Variants in CCSER1 observed in about 807,000 individuals in gnomAD.
CCSER1 encodes coiled-coil serine rich protein 1.
Under a neutral mutation model 82.0 loss-of-function variants are expected in CCSER1, and 41 were observed. The observed-to-expected ratio is 0.50, with a 90% CI of 0.39 to 0.65. CCSER1 has a LOEUF of 0.65. Ranked by LOEUF, CCSER1 falls within the 30% of genes least tolerant of loss-of-function variation. The probability of loss-of-function intolerance (pLI) is 0.00; values close to 1 mark genes in which losing one functional copy is unlikely to be tolerated. For synonymous variants in CCSER1, 414 were observed against 383.9 expected (o/e 1.08, Z -0.92); for missense variants, 1,119 against 1,064.2 (o/e 1.05, Z -0.72).
intron 10 of CCSER1, among the ~76,000 whole-genome samples, chr4:91,404,863 T>C (rs1459965007): frequency 6.6e-6 from 1 of 152,212 alleles, no homozygotes; most frequent in Non-Finnish European, 1.5e-5. Flanking sequence ...GAGAAGAATG[T>C]ATATTCTGTT....
At chr4:90,606,341 T>G (rs2148791361) in intron 5 of CCSER1, among the ~76,000 whole-genome samples, 1 of 152,316 alleles carries the variant, frequency 6.6e-6, no homozygotes, top group Middle Eastern at 3.4e-3. Context: ...ACACCTACAT[T>G]ATAACGCAGT....
intron 5 of CCSER1, among the ~76,000 whole-genome samples, chr4:90,504,309 T>A (rs1382585168): frequency 6.6e-6 from 1 of 152,192 alleles, no homozygotes; most frequent in Admixed American, 6.5e-5. Flanking sequence ...TGGCACTCTG[T>A]AGACACAATA....
At chr4:91,593,948 G>T (rs1764395817) in intron 10 of CCSER1, among the ~76,000 whole-genome samples, 2 of 152,098 alleles carry the variant, frequency 1.3e-5, no homozygotes, top group Non-Finnish European at 2.9e-5. Flanking sequence ...CTATTGTAAA[G>T]AAATGAGAGG....
intron 10 of CCSER1, among the ~76,000 whole-genome samples, chr4:91,254,040 G>T (rs1740480910): frequency 6.6e-6 from 1 of 151,992 alleles, no homozygotes; most frequent in Non-Finnish European, 1.5e-5. Context: ...ATTTGGTCAG[G>T]GACACAGATT....
At chr4:91,099,758 G>GA (rs746785945) in intron 10 of CCSER1, among the ~76,000 whole-genome samples, 3 of 152,196 alleles carry the variant, frequency 2.0e-5, no homozygotes, top group Non-Finnish European at 2.9e-5. Context: ...TGGGATGACA[G>GA]AAAGGAAGTG....
At chr4:91,132,358 T>C (rs910354042) in intron 10 of CCSER1, among the ~76,000 whole-genome samples, 1 of 152,116 alleles carries the variant, frequency 6.6e-6, no homozygotes, top group Non-Finnish European at 1.5e-5. Flanking sequence ...ACAGAGGGCA[T>C]TAACGTAAAC....
intron 9 of CCSER1, among the ~76,000 whole-genome samples, chr4:91,033,467 A>C (rs186683686): frequency 8.5e-4 from 130 of 152,282 alleles, no homozygotes; most frequent in Admixed American, 4.3e-3. Context: ...ACCAGCCTGA[A>C]GTCAGTGTAT....
intron 10 of CCSER1, among the ~76,000 whole-genome samples, chr4:91,167,431 G>A (rs182626658): frequency 1.9e-3 from 287 of 151,976 alleles, no homozygotes; most frequent in South Asian, 3.3e-3. Flanking sequence ...TGATCCACCC[G>A]TCTCAGCCTC....
intron 10 of CCSER1, among the ~76,000 whole-genome samples, chr4:91,255,920 T>A (rs1740644121): frequency 6.6e-6 from 1 of 152,268 alleles, no homozygotes; most frequent in South Asian, 2.1e-4. Context: ...CATGTGTGTT[T>A]GAACAATATG....
rs1289115244 is a variant in CCSER1 at position 90,486,243 on chromosome 4, T to A, written c.1724+17889T>A. On this transcript the variant is annotated intron_variant, in intron 5 of 10. Transcript: ENST00000509176. ...GTTGCATCTTTTCCCAATATTCTCT[T>A]TTGCTTAAATTCTTGATCTATCTGG... Among the ~76,000 whole-genome samples, 7 of 152,352 alleles carry A rather than the reference T, an allele frequency of 4.6e-5. No individual in the cohort carries two copies. In the Middle Eastern group the frequency reaches 0.014, roughly 296 times the overall value.
At chr4:90,554,784 A>T (rs1041064615) in intron 5 of CCSER1, among the ~76,000 whole-genome samples, 1 of 152,218 alleles carries the variant, frequency 6.6e-6, no homozygotes, top group Non-Finnish European at 1.5e-5. Flanking sequence ...ACTTCTCATC[A>T]TACCTCGTTT....
intron 10 of CCSER1, among the ~76,000 whole-genome samples, chr4:91,584,962 C>G (rs1763916438): frequency 6.6e-6 from 1 of 151,402 alleles, no homozygotes. Flanking sequence ...TTACCTTGAA[C>G]TGATTAATTC....
intron 10 of CCSER1, among the ~76,000 whole-genome samples, chr4:91,202,387 A>G (rs1232149054): frequency 6.6e-6 from 1 of 151,482 alleles, no homozygotes; most frequent in African/African-American, 2.4e-5. Context: ...AATCATGGCC[A>G]CTCCTTGCTG....
intron 10 of CCSER1, among the ~76,000 whole-genome samples, chr4:91,206,396 C>T (rs1486380628): frequency 1.3e-5 from 2 of 151,836 alleles, no homozygotes; most frequent in African/African-American, 2.4e-5. Context: ...CGCTGAAAAG[C>T]GAGGAAAATG....
intron 1 of CCSER1, among the ~76,000 whole-genome samples, chr4:90,133,997 A>G (rs6856093): frequency 0.027 from 4,142 of 152,170 alleles, 195 homozygotes; most frequent in African/African-American, 0.093. Context: ...ATTTTTGCAA[A>G]CATAGGTATT....
chr4:90,209,727 A>G (rs9884304), intron 1 of CCSER1, among the ~76,000 whole-genome samples: 2,410 of 145,824 alleles, frequency 0.017, 35 homozygotes, highest in African/African-American at 0.043. Context: ...TCCAAACTAA[A>G]TTTCTCTGAG....
Position 90,960,201 on chromosome 4 carries a change from G to A in CCSER1, c.2172+36754G>A, listed in dbSNP as rs930780455. Among the ~76,000 whole-genome samples the A allele has an allele frequency of 3.3e-5, 5 of 151,930 alleles. No individual in the cohort carries two copies. The South Asian group carries it at 6.2e-4, about 19-fold the overall frequency. On this transcript the variant is annotated intron_variant, in intron 9 of 10. Coordinates refer to ENST00000509176, the MANE Select transcript of CCSER1 (RefSeq NM_001145065.2). ...ATTTTTTTTAAAAAAAGGATTTTAC[G>A]TAATGCTTTTATATGCAAAACATCA...
intron 10 of CCSER1, among the ~76,000 whole-genome samples, chr4:91,354,114 A>G (rs1748660730): frequency 6.6e-6 from 1 of 152,160 alleles, no homozygotes; most frequent in Non-Finnish European, 1.5e-5. Context: ...GACCAGTTTT[A>G]TTAGCAATGA....
intron 3 of CCSER1, among the ~76,000 whole-genome samples, chr4:90,347,143 A>G (rs1175969407): frequency 6.6e-6 from 1 of 152,186 alleles, no homozygotes; most frequent in Non-Finnish European, 1.5e-5. Flanking sequence ...TACATTATAG[A>G]AGCACTACAG....
Sources: allele counts gnomAD v4.1 joint callset (sites outside exome capture counted in the v4.1 genomes callset), GRCh38; gene constraint gnomAD v4.1.1; transcripts MANE v1.5; gene names NCBI Gene and HGNC (gene_info 2026-07-23, HGNC 2026-07-21).